The following DNMBP variants were observed in gnomAD, a reference collection of about 807,000 sequenced individuals.
DNMBP encodes dynamin binding protein.
A neutral mutation model predicts 150.0 loss-of-function variants in DNMBP; 87 were observed. The observed-to-expected ratio is 0.58, with a 90% confidence interval of 0.49 to 0.69. The LOEUF is 0.69. DNMBP is among the 30% of genes least tolerant of loss of function. The pLI is 0.00. For synonymous variants in DNMBP, 711 were observed against 750.4 expected (o/e 0.95, Z 0.86); for missense variants, 1,774 against 1,949.0 (o/e 0.91, Z 1.69).
intron 1 of DNMBP, among the ~76,000 whole-genome samples, chr10:99,991,624 A>G (rs1267684197): frequency 6.6e-6 from 1 of 151,144 alleles, no homozygotes; most frequent in Non-Finnish European, 1.5e-5. Flanking sequence ...CCTTGAAAAC[A>G]TTGTGCTAAG....
At chr10:99,982,435 C>A (rs556335166) in intron 1 of DNMBP, among the ~76,000 whole-genome samples, 1 of 151,908 alleles carries the variant, frequency 6.6e-6, no homozygotes, top group African/African-American at 2.4e-5. Context: ...CAGAGCGAGA[C>A]CCTGTCTCAA....
intron 4 of DNMBP, among the ~76,000 whole-genome samples, chr10:99,934,656 G>C (rs1270128107): frequency 7.4e-6 from 1 of 136,004 alleles, no homozygotes. Context: ...TAAAAGTTTG[G>C]CCCGGGGAGG....
chr10:99,914,097 T>C, intron 4 of DNMBP: 1 of 1,386,192 alleles, frequency 7.2e-7, no homozygotes, highest in Non-Finnish European at 9.4e-7. Context: ...CTTCCCACAT[T>C]TACATATGAA....
Position 99,956,342 on chromosome 10 carries a change from C to T in DNMBP, c.1132G>A (p.Glu378Lys), listed in dbSNP as rs146369620. 3.8e-5 allele frequency: 61 copies of T among 1,613,766 alleles called. 1 individual carries two copies. The highest frequency in any genetic ancestry group is 3.6e-4 in the African/African-American group (27 of 74,892). ...YDTDRNSYQD[E>K]DTAGGPPRSP... ...CTCGGGGGCCCTCCTGCGGTGTCCT[C>T]GTCCTGATAAGAGTTTCTGTCTGTG... The change falls in exon 4 of 17, where the codon GAG becomes AAG. Residue 378 changes from glutamate to lysine, a missense_variant. Around this residue, in one of 2 missense-constraint regions of DNMBP, gnomAD observed 1,430 missense variants for 1,492.5 expected, o/e 0.96. Transcript: ENST00000324109.
At chr10:99,893,005 A>G (rs929781541) in intron 11 of DNMBP, among the ~76,000 whole-genome samples, 2 of 152,240 alleles carry the variant, frequency 1.3e-5, no homozygotes, top group Admixed American at 6.5e-5. Flanking sequence ...TAAAGATGCC[A>G]GAATATAGGT....
At chr10:99,980,951 G>T (rs1354686373) in intron 1 of DNMBP, among the ~76,000 whole-genome samples, 4 of 152,154 alleles carry the variant, frequency 2.6e-5, no homozygotes, top group Admixed American at 2.6e-4. Flanking sequence ...AGGAGATAGG[G>T]AGTTAGTATG....
chr10:99,962,584 T>C (rs1217479069), intron 3 of DNMBP, among the ~76,000 whole-genome samples: 7 of 152,114 alleles, frequency 4.6e-5, no homozygotes, highest in South Asian at 4.1e-4. Context: ...TGAGCCGAGA[T>C]TGTGCCACTG....
intron 4 of DNMBP, among the ~76,000 whole-genome samples, chr10:99,928,961 T>A (rs59066911): frequency 0.11 from 16,594 of 151,786 alleles, 1,119 homozygotes; most frequent in South Asian, 0.24. Flanking sequence ...CTGGGCAACA[T>A]GGTGAAACCC....
intron 15 of DNMBP, among the ~76,000 whole-genome samples, chr10:99,880,595 G>A (rs1038456227): frequency 3.9e-5 from 6 of 152,120 alleles, no homozygotes; most frequent in Non-Finnish European, 8.8e-5. Context: ...ATGAAGAGCC[G>A]CAGCTGCCTG....
At chr10:99,901,265 G>A (rs2039733281) in intron 6 of DNMBP, among the ~76,000 whole-genome samples, 1 of 152,154 alleles carries the variant, frequency 6.6e-6, no homozygotes, top group African/African-American at 2.4e-5. Flanking sequence ...ATAACCAAAT[G>A]TAGCACTGAG....
intron 2 of DNMBP, among the ~76,000 whole-genome samples, 155 bp from the exon 3 acceptor site, chr10:99,969,392 A>G (rs2040653187): frequency 6.6e-6 from 1 of 152,238 alleles, no homozygotes. Context: ...GAGAAGAAGT[A>G]TAGTGCACAA....
intron 4 of DNMBP, among the ~76,000 whole-genome samples, chr10:99,926,539 C>T (rs116875327): frequency 0.026 from 3,918 of 152,312 alleles, 79 homozygotes; most frequent in Non-Finnish European, 0.035. Flanking sequence ...CAGTCCTCCC[C>T]TCAGGGCACT....
chr10:100,005,786 C>CAAAAAAAAAAAAAAAAAAAAAAAA (rs1589458237), intron 1 of DNMBP, among the ~76,000 whole-genome samples: 3 of 101,076 alleles, frequency 3.0e-5, no homozygotes, highest in East Asian at 2.4e-4. Context: ...AAAAAAAAAC[C>CAAAAAAAAAAAAAAAAAAAAAAAA]AAACTACATA....
intron 14 of DNMBP, 30 bp downstream of exon 14, chr10:99,885,657 C>A: frequency 6.5e-7 from 1 of 1,537,848 alleles, no homozygotes; most frequent in Admixed American, 2.0e-5. Context: ...TACCCCGAGG[C>A]GGGGCTGCTG....
In DNMBP at chr10:99,879,966, T is replaced by C. The variant is rs1309443445; in HGVS notation, c.4393A>G (p.Ser1465Gly). The C allele has an allele frequency of 6.2e-7, 1 of 1,614,104 alleles. No individual in the cohort carries two copies. Among genetic ancestry groups the C allele is most frequent in the African/African-American group, 1.3e-5 (1 of 74,932 alleles). ...TCTGGATGCCTGAAGTTCCGGTAGC[T>C]CCTCGGCGTGGCAGTGGGTTGCTTT... ...DVKQPTATPR[S>G]YRNFRHPEIV... The change falls in exon 16 of 17, where the codon AGC (serine) becomes GGC (glycine). Residue 1465 changes from serine (S) to glycine (G), a missense_variant. Physicochemically the swap from Ser to Gly is moderately conservative, Grantham distance 56. Coordinates refer to ENST00000324109, the MANE Select transcript of DNMBP (RefSeq NM_015221.4).
intron 4 of DNMBP, among the ~76,000 whole-genome samples, chr10:99,943,053 G>A (rs546504325): frequency 6.6e-6 from 1 of 152,140 alleles, no homozygotes; most frequent in Admixed American, 6.5e-5. Context: ...GAGGCTGAGG[G>A]GGGGGCGGAT....
At chr10:99,879,084 C>CCAAAAAAAAAAAA (rs761402438) in intron 16 of DNMBP, among the ~76,000 whole-genome samples, 1 of 62,404 alleles carries the variant, frequency 1.6e-5, no homozygotes, top group Non-Finnish European at 2.8e-5. Context: ...GACTCTGTCT[C>CCAAAAAAAAAAAA]AAAAAAAAAA....
In DNMBP at chr10:99,900,004, G is replaced by A. The variant is rs1159840724; in HGVS notation, c.2617C>T (p.His873Tyr). 9.9e-6 allele frequency: 16 copies of A among 1,613,970 alleles called. No individual in the cohort carries two copies. Among genetic ancestry groups the A allele is most frequent in the Non-Finnish European group, 1.4e-5 (16 of 1,180,026 alleles). Reference sequence around the variant, plus strand: ...TCAAGCAGCGCAATGGCCTCATCATGATTCTGGCAGTAAATCTTGTATGTT... The same window carrying A: ...TCAAGCAGCGCAATGGCCTCATCATAATTCTGGCAGTAAATCTTGTATGTT... ...EGTYKIYCQN[H>Y]DEAIALLEIY... Residue 873 changes from histidine to tyrosine, a missense_variant, in exon 7 of 17, where the codon CAT becomes TAT. Around this residue, in one of 2 missense-constraint regions of DNMBP, gnomAD observed 1,430 missense variants for 1,492.5 expected, o/e 0.96. Coordinates refer to ENST00000324109, the MANE Select transcript of DNMBP (RefSeq NM_015221.4).
chr10:99,899,960 C>T lies in DNMBP; in HGVS notation c.2661G>A (p.Glu887=). The T allele has an allele frequency of 1.2e-6, 2 of 1,614,148 alleles. No homozygotes were observed. The highest frequency in any genetic ancestry group is 1.7e-6 in the Non-Finnish European group (2 of 1,180,024). The change falls in exon 7 of 17, where the codon GAG becomes GAA. Residue 887 remains glutamate (E), a synonymous_variant. Coordinates refer to ENST00000324109, the MANE Select transcript of DNMBP (RefSeq NM_015221.4). ...IALLEIYEKD[E]KIQKHLQDSL... ...AGTCCTGAAGATGCTTCTGGATCTT[C>T]TCATCCTTCTCGTAGATTTCAAGCA...
Sources: allele counts gnomAD v4.1 joint callset (sites outside exome capture counted in the v4.1 genomes callset), GRCh38; gene constraint gnomAD v4.1.1; regional missense constraint gnomAD v4.1.1; transcripts MANE v1.5; gene names NCBI Gene and HGNC (gene_info 2026-07-23, HGNC 2026-07-21).